Variants in OPCML observed in about 807,000 individuals in gnomAD.
The protein encoded by OPCML is opioid binding protein/cell adhesion molecule like, also known as opioid-binding protein/cell adhesion molecule.
OPCML carries 13 observed loss-of-function variants against 37.8 expected under a neutral mutation model. The observed-to-expected ratio is 0.34, with a 90% CI of 0.22 to 0.55. The LOEUF is 0.55. Ranked by LOEUF, OPCML falls within the 20% of genes least tolerant of loss-of-function variation. The probability of loss-of-function intolerance (pLI) is 0.91; values close to 1 mark genes in which losing one functional copy is unlikely to be tolerated. For missense variants in OPCML, 341 were observed against 435.6 expected (o/e 0.78, Z 1.93); for synonymous variants, 176 against 168.8 (o/e 1.04, Z -0.33).
At chr11:133,395,642 T>C (rs1012006806) in intron 1 of OPCML, among the ~76,000 whole-genome samples, 2 of 152,206 alleles carry the variant, frequency 1.3e-5, no homozygotes, top group South Asian at 4.1e-4. Flanking sequence ...GAAGAGACTA[T>C]CTTTTCCCCA....
chr11:132,917,199 G>A (rs944209456), intron 2 of OPCML, among the ~76,000 whole-genome samples: 14 of 152,148 alleles, frequency 9.2e-5, no homozygotes, highest in Admixed American at 4.6e-4. Flanking sequence ...TTAACATCAC[G>A]GCTTGTATTG....
At chr11:132,911,209 G>A (rs1189196543) in intron 2 of OPCML, among the ~76,000 whole-genome samples, 1 of 152,140 alleles carries the variant, frequency 6.6e-6, no homozygotes, top group Non-Finnish European at 1.5e-5. Flanking sequence ...AATGTGCAGG[G>A]TCAACTTTGC....
intron 2 of OPCML, among the ~76,000 whole-genome samples, chr11:132,879,414 A>G (rs1943142623): frequency 6.6e-6 from 1 of 152,238 alleles, no homozygotes; most frequent in Admixed American, 6.5e-5. Context: ...TCAAAGAGTT[A>G]TGAAAGTTTC....
At chr11:133,245,952 C>T (rs1003358307) in intron 1 of OPCML, among the ~76,000 whole-genome samples, 4 of 151,984 alleles carry the variant, frequency 2.6e-5, no homozygotes, top group African/African-American at 7.3e-5. Flanking sequence ...GAACATCACA[C>T]ACTGGGTCCT....
chr11:132,896,874 A>T (rs1006968525), intron 2 of OPCML, among the ~76,000 whole-genome samples: 12 of 152,224 alleles, frequency 7.9e-5, no homozygotes, highest in African/African-American at 2.9e-4. Context: ...GGGGCATGTC[A>T]AGATATTCCT....
intron 1 of OPCML, among the ~76,000 whole-genome samples, chr11:133,445,919 C>T (rs1402489524): frequency 6.6e-6 from 1 of 151,972 alleles, no homozygotes; most frequent in Non-Finnish European, 1.5e-5. Context: ...GGGGGGCTGC[C>T]AAGACTGTTT....
chr11:132,563,783 TA>T (rs1057130030), intron 3 of OPCML, among the ~76,000 whole-genome samples: 7 of 148,584 alleles, frequency 4.7e-5, no homozygotes, highest in African/African-American at 1.2e-4. Flanking sequence ...TTTACGTTAT[TA>T]AAAAAACAAC....
intron 1 of OPCML, among the ~76,000 whole-genome samples, chr11:133,288,631 A>G (rs1942369678): frequency 6.6e-6 from 1 of 152,188 alleles, no homozygotes; most frequent in Non-Finnish European, 1.5e-5. Context: ...CTTTAAAAAC[A>G]TATGGACACC....
At chr11:133,334,877 T>C (rs1298420078) in intron 1 of OPCML, among the ~76,000 whole-genome samples, 1 of 152,146 alleles carries the variant, frequency 6.6e-6, no homozygotes, top group Non-Finnish European at 1.5e-5. Flanking sequence ...GGGTAGGGCA[T>C]GAGAGGGGCA....
At chr11:132,928,300 A>G (rs1001916995) in intron 2 of OPCML, among the ~76,000 whole-genome samples, 1 of 152,048 alleles carries the variant, frequency 6.6e-6, no homozygotes, top group Admixed American at 6.6e-5. Flanking sequence ...TTTGCTATAC[A>G]AATAGTAAAC....
intron 1 of OPCML, among the ~76,000 whole-genome samples, chr11:133,228,855 A>T (rs1940154145): frequency 6.6e-6 from 1 of 152,240 alleles, no homozygotes; most frequent in African/African-American, 2.4e-5. Flanking sequence ...CAGGTCCAGG[A>T]AAAGGAAATC....
intron 1 of OPCML, among the ~76,000 whole-genome samples, chr11:133,312,499 T>C (rs895619235): frequency 6.6e-6 from 1 of 152,196 alleles, no homozygotes; most frequent in African/African-American, 2.4e-5. Context: ...TTTGAATTAG[T>C]TCCAAGGCAG....
rs1944155306 is a variant in OPCML at position 132,904,163 on chromosome 11, A to G, written c.146+38763T>C. Among the ~76,000 whole-genome samples the G allele has an allele frequency of 2.0e-5, 3 of 152,240 alleles. No homozygotes were observed. The South Asian group carries it at 6.2e-4, about 32-fold the overall frequency. ...CACTCAGCTGGAAAAAATCTTGGAC[A>G]CCCTTTTTTGAGCTTATTGGTTGTC... On this transcript the variant is annotated intron_variant, in intron 2 of 7. Coordinates refer to ENST00000524381, the MANE Select transcript of OPCML (RefSeq NM_001012393.5).
intron 1 of OPCML, among the ~76,000 whole-genome samples, chr11:133,465,127 C>T (rs769502081): frequency 1.3e-5 from 2 of 152,186 alleles, no homozygotes; most frequent in Admixed American, 6.5e-5. Context: ...GTCAGCAGAA[C>T]TTAATTCCTT....
At chr11:132,845,383 A>C (rs1941481286) in intron 2 of OPCML, among the ~76,000 whole-genome samples, 1 of 152,220 alleles carries the variant, frequency 6.6e-6, no homozygotes, top group Non-Finnish European at 1.5e-5. Flanking sequence ...AGGGAAAGAA[A>C]ATATAGAACA....
At chr11:132,577,446 T>A (rs1043348951) in intron 3 of OPCML, among the ~76,000 whole-genome samples, 2 of 152,176 alleles carry the variant, frequency 1.3e-5, no homozygotes, top group African/African-American at 4.8e-5. Flanking sequence ...TTCAACTATA[T>A]TTATATGCCC....
At chr11:132,495,754 G>A (rs868261542) in intron 4 of OPCML, among the ~76,000 whole-genome samples, 58 of 152,092 alleles carry the variant, frequency 3.8e-4, no homozygotes, top group Middle Eastern at 3.2e-3. Context: ...AATTAGCTGG[G>A]TGTAGTGGCG....
intron 1 of OPCML, among the ~76,000 whole-genome samples, chr11:132,996,880 G>A (rs764980723): frequency 1.4e-4 from 21 of 152,156 alleles, no homozygotes; most frequent in Non-Finnish European, 2.6e-4. Flanking sequence ...ATCGCTCAGT[G>A]ACAGATTTCT....
At chr11:132,575,232 C>A (rs779810759) in intron 3 of OPCML, among the ~76,000 whole-genome samples, 4 of 151,988 alleles carry the variant, frequency 2.6e-5, no homozygotes, top group African/African-American at 9.7e-5. Context: ...CCACTCAATG[C>A]GTTTTGATTA....
Sources: allele counts gnomAD v4.1 joint callset (sites outside exome capture counted in the v4.1 genomes callset), GRCh38; gene constraint gnomAD v4.1.1; transcripts MANE v1.5; gene names NCBI Gene and HGNC (gene_info 2026-07-23, HGNC 2026-07-21).